The following TMEM132D variants were observed in gnomAD, a reference collection of about 807,000 sequenced individuals.
TMEM132D encodes the protein mature OL transmembrane protein.
A neutral mutation model predicts 62.3 loss-of-function variants in TMEM132D; 21 were observed. The ratio of observed to expected loss-of-function variants is 0.34; its 90% confidence interval spans 0.24 to 0.49. The LOEUF is 0.49. Among genes scored for constraint, TMEM132D ranks in the 20% least tolerant of loss-of-function variants. The pLI, the probability that TMEM132D is intolerant of heterozygous loss-of-function variation, is 0.99. For missense variants in TMEM132D, 1,346 were observed against 1,402.8 expected (o/e 0.96, Z 0.65); for synonymous variants, 621 against 575.6 (o/e 1.08, Z -1.13).
At chr12:129,351,666 C>G (rs1272337332) in intron 3 of TMEM132D, among the ~76,000 whole-genome samples, 2 of 152,206 alleles carry the variant, frequency 1.3e-5, no homozygotes, top group African/African-American at 2.4e-5. Context: ...AACAACTGCC[C>G]AGTTCTTGGA....
intron 5 of TMEM132D, among the ~76,000 whole-genome samples, chr12:129,162,172 G>A (rs1877417894): frequency 6.6e-6 from 1 of 152,142 alleles, no homozygotes; most frequent in Non-Finnish European, 1.5e-5. Context: ...GGTCATAAGG[G>A]TGGGGCCCTA....
intron 2 of TMEM132D, among the ~76,000 whole-genome samples, chr12:129,535,770 TTGTGTGCGTGTGTGTGTG>T (rs1296889715): frequency 3.3e-5 from 4 of 122,986 alleles, no homozygotes; most frequent in Admixed American, 9.5e-5. Flanking sequence ...CATTTAAGAT[TTGTGTGCGTGTGTGTGTG>T]TGTGTGTGTG....
intron 4 of TMEM132D, among the ~76,000 whole-genome samples, chr12:129,234,710 C>T (rs1048271130): frequency 6.6e-6 from 1 of 152,138 alleles, no homozygotes; most frequent in Non-Finnish European, 1.5e-5. Flanking sequence ...GATGCCAATA[C>T]TAATGACTTA....
chr12:129,506,087 G>GT (rs965007732), intron 3 of TMEM132D, among the ~76,000 whole-genome samples: 4 of 151,998 alleles, frequency 2.6e-5, no homozygotes, highest in Non-Finnish European at 5.9e-5. Flanking sequence ...TGAATACCTT[G>GT]TTTTTTTATT....
intron 2 of TMEM132D, among the ~76,000 whole-genome samples, chr12:129,553,799 G>T (rs1468855014): frequency 6.6e-6 from 1 of 152,130 alleles, no homozygotes; most frequent in Non-Finnish European, 1.5e-5. Flanking sequence ...TGCTATTTAT[G>T]TTTCCTCATG....
intron 3 of TMEM132D, among the ~76,000 whole-genome samples, chr12:129,351,976 A>T (rs1356053618): frequency 6.6e-6 from 1 of 152,174 alleles, no homozygotes; most frequent in Admixed American, 6.5e-5. Flanking sequence ...CAGAAGATGG[A>T]TCCTCATCCC....
In TMEM132D at chr12:129,313,015, T is replaced by G. The variant is rs1208546929; in HGVS notation, c.1299+24619A>C. Among the ~76,000 whole-genome samples the G allele has an allele frequency of 2.6e-5, 4 of 152,122 alleles. No homozygotes were observed. In the East Asian group the frequency reaches 7.7e-4, roughly 29 times the overall value. ...GAGCAACCAGAGAGATATCATTGAC[T>G]GAGATGGGGAAGGTTCCAGGAATAT... On this transcript the variant is annotated intron_variant, in intron 4 of 8. Coordinates refer to ENST00000422113, the MANE Select transcript of TMEM132D (RefSeq NM_133448.3).
intron 4 of TMEM132D, among the ~76,000 whole-genome samples, chr12:129,337,180 T>C (rs540186259): frequency 2.0e-4 from 30 of 152,252 alleles, no homozygotes; most frequent in African/African-American, 7.0e-4. Context: ...TATTTTCTAA[T>C]TGGTGGTCTG....
At chr12:129,776,458 C>T (rs945470141) in intron 1 of TMEM132D, among the ~76,000 whole-genome samples, 15 of 72,990 alleles carry the variant, frequency 2.1e-4, no homozygotes, top group Non-Finnish European at 7.1e-4. Flanking sequence ...TGTCACCCAC[C>T]CTTACCCCAA....
chr12:129,490,491 C>G (rs1874743345), intron 3 of TMEM132D, among the ~76,000 whole-genome samples: 1 of 135,924 alleles, frequency 7.4e-6, no homozygotes, highest in Admixed American at 8.1e-5. Flanking sequence ...TGCAGTGGCG[C>G]GATCTCGGCT....
At position 129,622,793 on chromosome 12, in the gene TMEM132D, G is replaced by A. The variant is rs1036718748; in HGVS notation, c.968+77017C>T. 2.7e-4 allele frequency among the ~76,000 whole-genome samples: 41 copies of A among 152,162 alleles called. 1 individual carries two copies. The highest frequency in any genetic ancestry group is 2.9e-5 in the Non-Finnish European group (2 of 68,034). ...GCCACAGGAGTGATCATGTGACTTT[G>A]GGTGGCCAATTAGAGTGACCCATTG... On this transcript the variant is annotated intron_variant, in intron 2 of 8. Coordinates refer to ENST00000422113, the MANE Select transcript of TMEM132D (RefSeq NM_133448.3).
At chr12:129,402,473 G>T (rs1043254182) in intron 3 of TMEM132D, among the ~76,000 whole-genome samples, 2 of 152,140 alleles carry the variant, frequency 1.3e-5, no homozygotes, top group African/African-American at 2.4e-5. Flanking sequence ...ACTGTACACG[G>T]GTCTGTGAGA....
chr12:129,275,737 C>T (rs1481100054), intron 4 of TMEM132D, among the ~76,000 whole-genome samples: 4 of 152,164 alleles, frequency 2.6e-5, no homozygotes, highest in South Asian at 2.1e-4. Flanking sequence ...TGCCTGGAAG[C>T]GGGGATCTCA....
intron 5 of TMEM132D, among the ~76,000 whole-genome samples, chr12:129,127,379 T>C: frequency 6.6e-6 from 1 of 152,172 alleles, no homozygotes; most frequent in East Asian, 1.9e-4. Flanking sequence ...CTAATTTCAT[T>C]ATAGTGGCTG....
At chr12:129,487,924 G>A (rs776468152) in intron 3 of TMEM132D, among the ~76,000 whole-genome samples, 1 of 127,908 alleles carries the variant, frequency 7.8e-6, no homozygotes, top group African/African-American at 3.0e-5. Context: ...GCAACAGAGG[G>A]AGACTCCATC....
At chr12:129,125,898 T>C (rs1876198410) in intron 5 of TMEM132D, among the ~76,000 whole-genome samples, 2 of 152,332 alleles carry the variant, frequency 1.3e-5, no homozygotes, top group Admixed American at 1.3e-4. Context: ...GTGGCCACTT[T>C]CTTGGTCAGA....
intron 3 of TMEM132D, among the ~76,000 whole-genome samples, chr12:129,423,527 G>C (rs1295132013): frequency 6.6e-6 from 1 of 152,148 alleles, no homozygotes; most frequent in African/African-American, 2.4e-5. Context: ...GGGCTCTATG[G>C]AAAAGGACAC....
At chr12:129,188,797 G>T (rs1004369217) in intron 5 of TMEM132D, among the ~76,000 whole-genome samples, 1 of 96,408 alleles carries the variant, frequency 1.0e-5, no homozygotes, top group Non-Finnish European at 2.3e-5. Context: ...GAGAGAGAGA[G>T]AGAAAGAGAG....
At chr12:129,303,661 AGAGCCAACAG>A (rs1250367774) in intron 4 of TMEM132D, among the ~76,000 whole-genome samples, 3 of 152,308 alleles carry the variant, frequency 2.0e-5, no homozygotes, top group African/African-American at 7.2e-5. Flanking sequence ...CCTGAGAAGC[AGAGCCAACAG>A]GATATACACA....
Sources: gnomAD v4.1 joint callset for allele counts (sites outside exome capture counted in the v4.1 genomes callset) on GRCh38, gnomAD v4.1.1 for gene constraint, MANE v1.5 for transcripts, NCBI Gene and HGNC (gene_info 2026-07-23, HGNC 2026-07-21) for gene names.